NPSR1: variants seen among roughly 807,000 people sequenced by gnomAD.
NPSR1 encodes neuropeptide S receptor.
NPSR1 carries 48 observed loss-of-function variants against 46.9 expected under a neutral mutation model. The observed-to-expected ratio is 1.02, with a 90% CI of 0.81 to 1.30. NPSR1 has a LOEUF of 1.30. Ranked by LOEUF, NPSR1 falls within the 50% of genes most tolerant of loss-of-function variation. NPSR1 has a pLI of 0.00. For missense variants in NPSR1, 450 were observed against 449.5 expected, an observed-to-expected ratio of 1.00 and a Z score of -0.01; for synonymous variants, 176 against 168.1, an observed-to-expected ratio of 1.05 and a Z score of -0.36.
intron 1 of NPSR1, chr7:34,660,083 C>T (rs2128667718): frequency 2.2e-6 from 1 of 455,664 alleles, no homozygotes. Context: ...GAAACAAATC[C>T]CACCTTGCTC....
chr7:34,790,996 T>C (rs1362942198), intron 3 of NPSR1, among the ~76,000 whole-genome samples: 244 of 115,170 alleles, frequency 2.1e-3, no homozygotes, highest in African/African-American at 8.1e-3. Flanking sequence ...TTATATATGT[T>C]ATATGTTATA....
At chr7:34,790,547 GA>G (rs1787685660) in intron 3 of NPSR1, among the ~76,000 whole-genome samples, 1 of 150,580 alleles carries the variant, frequency 6.6e-6, no homozygotes, top group Non-Finnish European at 1.5e-5. Flanking sequence ...AAAAAGAAAA[GA>G]AAAAAGAAAG....
intron 2 of NPSR1, among the ~76,000 whole-genome samples, chr7:34,765,650 A>G (rs1279768143): frequency 6.6e-6 from 1 of 152,226 alleles, no homozygotes; most frequent in Non-Finnish European, 1.5e-5. Context: ...TATATTCACA[A>G]TACCAAAGAC....
At chr7:34,675,331 A>G (rs1444350461) in intron 1 of NPSR1, among the ~76,000 whole-genome samples, 1 of 152,218 alleles carries the variant, frequency 6.6e-6, no homozygotes, top group Non-Finnish European at 1.5e-5. Context: ...TAATTGTTAA[A>G]GATACTTAGG....
At chr7:34,853,838 C>T (rs1344626607), downstream of NPSR1, among the ~76,000 whole-genome samples, 7 of 151,756 alleles carry the variant, frequency 4.6e-5, no homozygotes, top group African/African-American at 1.7e-4. Flanking sequence ...GGTGGCGGGC[C>T]GCCTGTAATC....
intron 3 of NPSR1, chr7:34,779,426 C>T: frequency 3.1e-6 from 1 of 318,648 alleles, no homozygotes; most frequent in Non-Finnish European, 5.9e-6. Flanking sequence ...ATATATAATG[C>T]ATTTCTAGAA....
intron 2 of NPSR1, among the ~76,000 whole-genome samples, chr7:34,702,357 A>G (rs1399484718): frequency 6.6e-6 from 1 of 152,224 alleles, no homozygotes; most frequent in Non-Finnish European, 1.5e-5. Context: ...TTCATTTATT[A>G]TTATTTTTTT....
chr7:34,739,842 T>C (rs1240533154), intron 2 of NPSR1, among the ~76,000 whole-genome samples: 3 of 152,150 alleles, frequency 2.0e-5, no homozygotes, highest in African/African-American at 7.2e-5. Context: ...TGAAGTTCCT[T>C]ATTTTTGGTT....
Position 34,811,850 on chromosome 7 carries a change from G to A in NPSR1, c.465G>A (p.Lys155=). The A allele has an allele frequency of 6.2e-7, 1 of 1,613,026 alleles. No individual in the cohort carries two copies. The highest frequency in any genetic ancestry group is 8.5e-7 in the Non-Finnish European group (1 of 1,179,418). ...ACCATGCCATCGTCTACCCCATGAA[G>A]TTCCTTCAAGGAGGTGAGCTGGCTT... ...DRYHAIVYPM[K]FLQGEKQARV... The change falls in exon 4 of 9, where the codon AAG becomes AAA. Residue 155 remains lysine, a synonymous_variant. Coordinates refer to ENST00000360581, the MANE Select transcript of NPSR1 (RefSeq NM_207172.2).
At chr7:34,706,174 A>ATT (rs879792853) in intron 2 of NPSR1, among the ~76,000 whole-genome samples, 3 of 138,592 alleles carry the variant, frequency 2.2e-5, no homozygotes, top group Admixed American at 7.1e-5. Flanking sequence ...TTTGTTTCTG[A>ATT]TTTTTTTTTT....
chr7:34,744,435 A>G (rs954297857), intron 2 of NPSR1, among the ~76,000 whole-genome samples: 6 of 152,108 alleles, frequency 3.9e-5, no homozygotes, highest in African/African-American at 1.4e-4. Context: ...GGGCCTCAGG[A>G]TAAAAGGGGC....
chr7:34,819,564 G>GGTATATACCCA (rs1461918401), intron 4 of NPSR1, among the ~76,000 whole-genome samples: 1 of 152,034 alleles, frequency 6.6e-6, no homozygotes, highest in African/African-American at 2.4e-5. Flanking sequence ...TCTTATTACT[G>GGTATATACCCA]GTATATACCC....
At chr7:34,790,867 T>TAG (rs1205060397) in intron 3 of NPSR1, among the ~76,000 whole-genome samples, 1,795 of 129,854 alleles carry the variant, frequency 0.014, 183 homozygotes, top group African/African-American at 0.055. Flanking sequence ...ATGTTATATA[T>TAG]GTTATATGTT....
chr7:34,875,763 C>T (rs1163704859), intron 8 of NPSR1, among the ~76,000 whole-genome samples: 1 of 152,052 alleles, frequency 6.6e-6, no homozygotes, highest in Non-Finnish European at 1.5e-5. Context: ...AATGACATAC[C>T]CAATTCTATT....
chr7:34,874,483 G>T (rs1423574406), intron 8 of NPSR1, among the ~76,000 whole-genome samples: 1 of 152,120 alleles, frequency 6.6e-6, no homozygotes, highest in Admixed American at 6.6e-5. Flanking sequence ...GGGGGTGGGG[G>T]TGTCATTTAA....
chr7:34,788,263 A>G (rs953213606), intron 3 of NPSR1, among the ~76,000 whole-genome samples: 44 of 152,158 alleles, frequency 2.9e-4, no homozygotes, highest in African/African-American at 1.1e-3. Context: ...CCTGTAGTAG[A>G]TACATGAAAG....
At chr7:34,864,697 C>T (rs1361218459) in intron 8 of NPSR1, among the ~76,000 whole-genome samples, 1 of 151,820 alleles carries the variant, frequency 6.6e-6, no homozygotes, top group Non-Finnish European at 1.5e-5. Context: ...ATATAACTTC[C>T]TTTTTCCTCA....
At chr7:34,867,455 G>A (rs575882318) in intron 8 of NPSR1, among the ~76,000 whole-genome samples, 77 of 152,026 alleles carry the variant, frequency 5.1e-4, no homozygotes, top group African/African-American at 1.7e-3. Flanking sequence ...GCCAGCAGCT[G>A]AAGGGAACAG....
chr7:34,671,544 G>A (rs1792058153), intron 1 of NPSR1, among the ~76,000 whole-genome samples: 1 of 152,128 alleles, frequency 6.6e-6, no homozygotes. Context: ...AGAAATGCAG[G>A]CAAGGGAACA....
Sources: allele counts gnomAD v4.1 joint callset (sites outside exome capture counted in the v4.1 genomes callset), GRCh38; gene constraint gnomAD v4.1.1; transcripts MANE v1.5; gene names NCBI Gene and HGNC (gene_info 2026-07-23, HGNC 2026-07-21).